LRRTM3: variants seen among roughly 807,000 people sequenced by gnomAD.
The protein encoded by LRRTM3 is leucine rich repeat transmembrane neuronal 3, also known as leucine-rich repeat transmembrane neuronal protein 3.
A neutral mutation model predicts 44.7 loss-of-function variants in LRRTM3; 24 were observed. That is an observed-to-expected ratio of 0.54 (90% CI 0.39 to 0.76). The LOEUF is 0.76. Among genes scored for constraint, LRRTM3 ranks in the 30% least tolerant of loss-of-function variants. The probability of loss-of-function intolerance (pLI) is 0.00; values close to 1 mark genes in which losing one functional copy is unlikely to be tolerated. For missense variants in LRRTM3, 587 were observed against 702.2 expected, an observed-to-expected ratio of 0.84 and a Z score of 1.85; for synonymous variants, 277 against 278.7, an observed-to-expected ratio of 0.99 and a Z score of 0.06.
intron 2 of LRRTM3, among the ~76,000 whole-genome samples, chr10:66,943,135 T>C (rs564165188): frequency 3.2e-4 from 49 of 152,334 alleles, no homozygotes; most frequent in Admixed American, 5.9e-4. Context: ...ATTTGATACA[T>C]GTCCTTCACT....
intron 2 of LRRTM3, among the ~76,000 whole-genome samples, chr10:67,025,153 A>AAAGGAAGGAAGGAAGGAAGG: frequency 1.3e-5 from 2 of 149,350 alleles, no homozygotes; most frequent in African/African-American, 5.0e-5. Flanking sequence ...AAAAAGAAAG[A>AAAGGAAGGAAGGAAGGAAGG]AAGGAAGGAA....
At position 67,098,713 on chromosome 10, in the gene LRRTM3, G is replaced by C. The variant is rs1858158384; in HGVS notation, c.*917G>C. On this transcript the variant is annotated 3_prime_UTR_variant, in exon 3 of 3. Coordinates refer to ENST00000361320, the MANE Select transcript of LRRTM3 (RefSeq NM_178011.5). ...CTTTGTGATACAGTTAAAAGGTGCA[G>C]CTGCCAGTGACAAATAAAAACTTTT... is the stretch of plus-strand genomic sequence containing the variant. The C allele has an allele frequency of 1.3e-5, 2 of 152,280 alleles. No individual in the cohort carries two copies. Among genetic ancestry groups the C allele is most frequent in the Admixed American group, 1.3e-4 (2 of 15,194 alleles). The allele number at this position is 152,280 out of a possible 1,614,324, so 9.4% of individuals were successfully genotyped here. A position where few individuals can be genotyped will look rare whatever the true frequency, so the allele number is the denominator to read the frequency against.
chr10:67,086,162 T>A (rs527694069), intron 2 of LRRTM3, among the ~76,000 whole-genome samples: 3 of 152,030 alleles, frequency 2.0e-5, no homozygotes, highest in East Asian at 1.9e-4. Context: ...AACAGTATAT[T>A]TTTTTTCATA....
At chr10:67,060,190 C>T (rs563384753) in intron 2 of LRRTM3, among the ~76,000 whole-genome samples, 80 of 152,106 alleles carry the variant, frequency 5.3e-4, no homozygotes, top group Middle Eastern at 6.8e-3. Context: ...TGATGACATG[C>T]GCCTGTAGTC....
intron 2 of LRRTM3, among the ~76,000 whole-genome samples, chr10:66,989,253 TTTAA>T (rs1247840125): frequency 1.3e-5 from 2 of 152,158 alleles, no homozygotes; most frequent in South Asian, 2.1e-4. Context: ...TATTTAACTC[TTTAA>T]TTAATCAACT....
At chr10:67,059,391 T>C (rs1244832582) in intron 2 of LRRTM3, among the ~76,000 whole-genome samples, 1 of 152,006 alleles carries the variant, frequency 6.6e-6, no homozygotes, top group East Asian at 1.9e-4. Flanking sequence ...GAGGAGTAAA[T>C]AAAGAATTGA....
chr10:67,025,671 G>A (rs1390061925), intron 2 of LRRTM3, among the ~76,000 whole-genome samples: 1 of 151,966 alleles, frequency 6.6e-6, no homozygotes, highest in African/African-American at 2.4e-5. Flanking sequence ...TACTATATAA[G>A]TACTATATCA....
rs558344866 is a variant in LRRTM3 at position 67,098,952 on chromosome 10, T to C, written c.*1156T>C. 6.6e-6 allele frequency: 1 copy of C among 152,024 alleles called. No individual in the cohort carries two copies. The highest frequency in any genetic ancestry group is 2.1e-4 in the South Asian group (1 of 4,822). The allele number at this position is 152,024 out of a possible 1,614,324, so 9.4% of individuals were successfully genotyped here. A position where few individuals can be genotyped will look rare whatever the true frequency, so the allele number is the denominator to read the frequency against. ...AGGAAACATATGAATTTGTTTTGCG[T>C]TGTGCACTACATCATTTCTCTCCTG... On this transcript the variant is annotated 3_prime_UTR_variant, in exon 3 of 3. Coordinates refer to ENST00000361320, the MANE Select transcript of LRRTM3 (RefSeq NM_178011.5).
intron 2 of LRRTM3, among the ~76,000 whole-genome samples, chr10:67,054,261 T>A (rs951675239): frequency 2.7e-4 from 41 of 152,032 alleles, no homozygotes; most frequent in Admixed American, 6.5e-4. Flanking sequence ...AATGTGGAGA[T>A]ATAAAAATTT....
chr10:66,957,820 T>C (rs1345938628), intron 2 of LRRTM3, among the ~76,000 whole-genome samples: 1 of 152,026 alleles, frequency 6.6e-6, no homozygotes, highest in Non-Finnish European at 1.5e-5. Flanking sequence ...GTCACCAGCA[T>C]TGCAGCCACT....
intron 2 of LRRTM3, among the ~76,000 whole-genome samples, chr10:67,034,419 C>G (rs1853916539): frequency 6.6e-6 from 1 of 152,188 alleles, no homozygotes; most frequent in Admixed American, 6.5e-5. Flanking sequence ...TTCCTTCTTG[C>G]AATACTTCTA....
Position 66,926,603 on chromosome 10 carries a change from TTTC to T in LRRTM3, c.4+22_4+24del. On this transcript the variant is annotated intron_variant, in intron 1 of 2. Coordinates refer to ENST00000361320, the MANE Select transcript of LRRTM3 (RefSeq NM_178011.5). ...CAAAGGATGGGTATGTTTTGTCATT[TTTC>T]TTCTTTCCTTCTTAAAAACAAAAAA... The T allele has an allele frequency of 6.2e-7, 1 of 1,613,982 alleles. No individual in the cohort carries two copies. The highest frequency in any genetic ancestry group is 8.5e-7 in the Non-Finnish European group (1 of 1,179,970).
intron 2 of LRRTM3, among the ~76,000 whole-genome samples, chr10:67,044,121 T>C (rs1037571098): frequency 6.6e-6 from 1 of 151,956 alleles, no homozygotes; most frequent in African/African-American, 2.4e-5. Flanking sequence ...TAGTCGCCAG[T>C]GTCTATTGTT....
In LRRTM3 at chr10:66,979,221, GC is replaced by G. The variant is rs374112686; in HGVS notation, c.1536+50771del. On this transcript the variant is annotated intron_variant, in intron 2 of 2. Coordinates refer to ENST00000361320, the MANE Select transcript of LRRTM3 (RefSeq NM_178011.5). ...GACCTCTAGCGATCTGCCTGCCTCG[GC>G]CTCCCAAAGTGCTGGGATTACAGGC... Among the ~76,000 whole-genome samples, 843 of 152,088 alleles carry G rather than the reference GC, an allele frequency of 5.5e-3. 11 individuals are homozygous for G. Among genetic ancestry groups the G allele is most frequent in the African/African-American group, 0.019 (799 of 41,526 alleles).
intron 2 of LRRTM3, among the ~76,000 whole-genome samples, chr10:66,985,686 C>T (rs1850688879): frequency 6.6e-6 from 1 of 152,060 alleles, no homozygotes; most frequent in South Asian, 2.1e-4. Context: ...AATCCCATTG[C>T]CCCTAGTCAC....
chr10:66,927,610 C>A lies in LRRTM3; in HGVS notation c.694C>A (p.Gln232Lys). Residue 232 changes from glutamine to lysine, a missense_variant, in exon 2 of 3, where the codon CAG becomes AAG. Gln to Lys is a moderately conservative substitution (Grantham distance 53). Transcript: ENST00000361320. The surrounding 1 kb of genome is among the most constrained non-coding windows in gnomAD (Gnocchi z 4.7). ...LALFPRLVSL[Q>K]NLYLQWNKIS... ...CCTTTTTCCAAGGTTGGTCAGCCTTCAGAACCTTTACTTGCAGTGGAATAA... is the reference window on the plus strand; with the variant it reads ...CCTTTTTCCAAGGTTGGTCAGCCTTAAGAACCTTTACTTGCAGTGGAATAA... 2.5e-6 allele frequency: 4 copies of A among 1,614,180 alleles called. No individual in the cohort carries two copies. Among genetic ancestry groups the A allele is most frequent in the Non-Finnish European group, 2.5e-6 (3 of 1,180,038 alleles).
chr10:67,022,777 A>G (rs553632693), intron 2 of LRRTM3, among the ~76,000 whole-genome samples: 200 of 152,154 alleles, frequency 1.3e-3, no homozygotes, highest in African/African-American at 4.6e-3. Context: ...CTCTGCTAAA[A>G]ATACAAAAAA....
At chr10:66,992,045 T>C (rs1851069835) in intron 2 of LRRTM3, among the ~76,000 whole-genome samples, 1 of 152,166 alleles carries the variant, frequency 6.6e-6, no homozygotes, top group South Asian at 2.1e-4. Flanking sequence ...TGTCTCTTTG[T>C]GAACGTCAAC....
intron 2 of LRRTM3, among the ~76,000 whole-genome samples, chr10:67,018,995 A>T (rs1025348810): frequency 6.6e-6 from 1 of 152,196 alleles, no homozygotes; most frequent in African/African-American, 2.4e-5. Context: ...TTAGATCATA[A>T]GTATCTTGAG....
Sources: allele counts gnomAD v4.1 joint callset (sites outside exome capture counted in the v4.1 genomes callset), GRCh38; gene constraint gnomAD v4.1.1; non-coding constraint Gnocchi (gnomAD v3.1); transcripts MANE v1.5; gene names NCBI Gene and HGNC (gene_info 2026-07-23, HGNC 2026-07-21).